Variants in PHF3 observed in about 807,000 individuals in gnomAD.
The protein encoded by PHF3 is PHD finger protein 3.
PHF3 carries 41 observed loss-of-function variants against 178.4 expected under a neutral mutation model. The observed-to-expected ratio is 0.23, with a 90% CI of 0.18 to 0.30. The LOEUF is 0.30. PHF3 is among the 10% of genes least tolerant of loss of function. The probability of loss-of-function intolerance (pLI) is 1.00; values close to 1 mark genes in which losing one functional copy is unlikely to be tolerated. For synonymous variants in PHF3, 842 were observed against 800.5 expected (o/e 1.05, Z -0.88); for missense variants, 2,346 against 2,398.1 (o/e 0.98, Z 0.45).
intron 13 of PHF3, among the ~76,000 whole-genome samples, chr6:63,708,314 G>A (rs978752899): frequency 4.0e-5 from 6 of 151,752 alleles, no homozygotes; most frequent in African/African-American, 1.2e-4. Flanking sequence ...TTATTATTTG[G>A]TCAGTCCATG....
Position 63,706,088 on chromosome 6 carries a change from G to C in PHF3, c.3427G>C (p.Val1143Leu), listed in dbSNP as rs1331736683. The change falls in exon 12 of 16, where the codon GTA becomes CTA. Residue 1143 changes from valine (V) to leucine (L), a missense_variant. Coordinates refer to ENST00000262043, the MANE Select transcript of PHF3 (RefSeq NM_001370348.2). ...AAAAAAAGTAAAAGTTGTTGTAGGA[G>C]TAGCTCGCAAACATTCAGACAATGA... The part of the protein sequence containing the change: ...SPKKVKVVVG[V>L]ARKHSDNEAE... 2.5e-6 allele frequency: 4 copies of C among 1,613,926 alleles called. No homozygotes were observed. In the South Asian group the frequency reaches 4.4e-5, roughly 18 times the overall value.
rs1764305780 is a variant in PHF3 at position 63,635,870 on chromosome 6, C to CTCGCGCCG, written c.-301_-294dup. On this transcript the variant is annotated 5_prime_UTR_variant, in exon 1 of 16. It introduces an in-frame stop codon into an upstream open reading frame of the 5' UTR. Transcript: ENST00000262043. Reference sequence around the variant, plus strand: ...CGCCGCACGCCGATGGCTGCGGGGTCTCGCGCCGTCGCACCGTCCCCACGC... The same window carrying CTCGCGCCG: ...CGCCGCACGCCGATGGCTGCGGGGTCTCGCGCCGTCGCGCCGTCGCACCGTCCCCACGC... 2 of 397,414 alleles carry CTCGCGCCG rather than the reference C, an allele frequency of 5.0e-6. No homozygotes were observed. Among genetic ancestry groups the CTCGCGCCG allele is most frequent in the South Asian group, 2.6e-4 (2 of 7,828 alleles). 24.6% of individuals were successfully genotyped at this position (397,414 alleles called of 1,614,324 possible).
Position 63,712,078 on chromosome 6 carries a change from C to T in PHF3, c.4490C>T (p.Pro1497Leu). 2 of 1,613,602 alleles carry T rather than the reference C, an allele frequency of 1.2e-6. No individual in the cohort carries two copies. Among genetic ancestry groups the T allele is most frequent in the Non-Finnish European group, 1.7e-6 (2 of 1,179,936 alleles). The change falls in exon 16 of 16, where the codon CCA becomes CTA. Residue 1497 changes from proline to leucine, a missense_variant. By Grantham distance (98) the Pro-to-Leu change is moderately conservative. This residue lies in a region of PHF3 where 839 missense variants were observed against 806.9 expected (regional missense o/e 1.04). Coordinates refer to ENST00000262043, the MANE Select transcript of PHF3 (RefSeq NM_001370348.2). ...VMEQNTVKEI[P>L]FLNEQTNSKI... ...GAACAAAACACTGTTAAAGAAATTC[C>T]ATTTTTAAATGAGCAGACCAACTCA...
intron 1 of PHF3, among the ~76,000 whole-genome samples, chr6:63,641,335 C>T (rs752593186): frequency 6.6e-6 from 1 of 152,120 alleles, no homozygotes; most frequent in Non-Finnish European, 1.5e-5. Flanking sequence ...CCCCCATCAC[C>T]ACCACCATCA....
intron 9 of PHF3, among the ~76,000 whole-genome samples, chr6:63,701,562 A>G (rs1296102785): frequency 6.6e-6 from 1 of 152,180 alleles, no homozygotes; most frequent in Non-Finnish European, 1.5e-5. Context: ...TATTAACTCT[A>G]CATGATTTAT....
chr6:63,641,710 T>C (rs1764585684), intron 1 of PHF3, among the ~76,000 whole-genome samples: 3 of 152,024 alleles, frequency 2.0e-5, no homozygotes, highest in Admixed American at 1.3e-4. Flanking sequence ...TGATCTTGGC[T>C]CACTGCAACC....
In PHF3 at chr6:63,684,592, TAAA is replaced by T; in HGVS notation, c.871_873del (p.Lys291del). The T allele has an allele frequency of 6.2e-7, 1 of 1,613,926 alleles. No individual in the cohort carries two copies. Among genetic ancestry groups the T allele is most frequent in the Non-Finnish European group, 8.5e-7 (1 of 1,179,896 alleles). ...GTAGTCCATTGTTTAAGTTTTCAGA[TAAA>T]GAAGAACATGAACAAAATGATTCCA... On this transcript the variant is annotated inframe_deletion, in exon 4 of 16. Transcript: ENST00000262043.
chr6:63,686,822 A>C (rs1258774231), intron 4 of PHF3, among the ~76,000 whole-genome samples: 1 of 152,216 alleles, frequency 6.6e-6, no homozygotes, highest in Admixed American at 6.5e-5. Flanking sequence ...TCCCAGCACT[A>C]TCTTAGTACA....
intron 6 of PHF3, among the ~76,000 whole-genome samples, chr6:63,695,039 A>C (rs73762457): frequency 1.3e-5 from 2 of 152,308 alleles, no homozygotes; most frequent in African/African-American, 4.8e-5. Context: ...AAGTAAGAAA[A>C]TTGCATGTTA....
rs1453733729 is a variant in PHF3 at position 63,718,400 on chromosome 6, CATT to C, written c.*4696_*4698del. Among the ~76,000 whole-genome samples, 3 of 151,920 alleles carry C rather than the reference CATT, an allele frequency of 2.0e-5. No individual in the cohort carries two copies. The highest frequency in any genetic ancestry group is 2.9e-5 in the Non-Finnish European group (2 of 67,924). On this transcript the variant is annotated 3_prime_UTR_variant, in exon 16 of 16. Transcript: ENST00000262043. Reference sequence around the variant, plus strand: ...AAGCTTTTGTTTATATGGCTTATATCATTATTTAGCATACTAGAAAATCAAATG... The same window carrying C: ...AAGCTTTTGTTTATATGGCTTATATCATTTAGCATACTAGAAAATCAAATG...
chr6:63,666,776 G>A (rs1582036882), intron 2 of PHF3, among the ~76,000 whole-genome samples: 2 of 149,866 alleles, frequency 1.3e-5, no homozygotes, highest in African/African-American at 4.9e-5. Flanking sequence ...TTTTGAGATG[G>A]AGTCTTGCTC....
At chr6:63,704,749 G>A (rs1767619407) in intron 11 of PHF3, among the ~76,000 whole-genome samples, 1 of 151,996 alleles carries the variant, frequency 6.6e-6, no homozygotes, top group South Asian at 2.1e-4. Flanking sequence ...GCTCCTTTGG[G>A]TAAATACCAT....
chr6:63,650,081 A>G (rs1405721391), intron 2 of PHF3, among the ~76,000 whole-genome samples: 1 of 152,232 alleles, frequency 6.6e-6, no homozygotes, highest in East Asian at 1.9e-4. Context: ...TGGTATATTG[A>G]AAATAAATGT....
intron 2 of PHF3, among the ~76,000 whole-genome samples, chr6:63,658,006 A>G (rs1765309095): frequency 6.6e-6 from 1 of 152,162 alleles, no homozygotes; most frequent in African/African-American, 2.4e-5. Context: ...ATTCAATTTA[A>G]GTTCAGGGTT....
intron 2 of PHF3, chr6:63,678,860 TG>T (rs1186600903): frequency 2.2e-6 from 1 of 452,890 alleles, no homozygotes; most frequent in African/African-American, 2.0e-5. Flanking sequence ...CTCTTTTAAA[TG>T]AAGTTCTACT....
Position 63,691,987 on chromosome 6 carries a change from G to T in PHF3, c.2440G>T (p.Asp814Tyr). The T allele has an allele frequency of 3.7e-6, 6 of 1,613,458 alleles. No homozygotes were observed. Among genetic ancestry groups the T allele is most frequent in the Non-Finnish European group, 5.1e-6 (6 of 1,179,778 alleles). Residue 814 changes from aspartate (D) to tyrosine (Y), a missense_variant, in exon 5 of 16, where the codon GAT becomes TAT. Asp to Tyr is a radical substitution (Grantham distance 160). Coordinates refer to ENST00000262043, the MANE Select transcript of PHF3 (RefSeq NM_001370348.2). The part of the protein sequence containing the change: ...KLGLSKHTTN[D>Y]RTKYIDDTVK... ...TGGATTATCAAAACACACAACAAAT[G>T]ATAGAACCAAATATATAGATGATAC...
Position 63,685,500 on chromosome 6 carries a change from C to G in PHF3, c.1778C>G (p.Thr593Ser). 6.2e-7 allele frequency: 1 copy of G among 1,614,090 alleles called. No homozygotes were observed. Among genetic ancestry groups the G allele is most frequent in the South Asian group, 1.1e-5 (1 of 91,078 alleles). ...QTLVQIFKPL[T>S]HSLSDKSHAH... ...TTAGTACAAATTTTCAAGCCCTTAA[C>G]TCATTCTTTGAGTGATAAGTCACAC... The change falls in exon 4 of 16, where the codon ACT becomes AGT. Residue 593 changes from threonine (T) to serine (S), a missense_variant. This residue lies in a region of PHF3 where 843 missense variants were observed against 795.2 expected (regional missense o/e 1.06). Transcript: ENST00000262043.
In PHF3 at chr6:63,712,394, G is replaced by A; in HGVS notation, c.4806G>A (p.Glu1602=). ...TLKRQLQEDQ[E]NNLQDNQTSN... ...AAAGACAGCTTCAGGAAGATCAAGA[G>A]AATAATTTGCAAGATAACCAGACTT... Residue 1602 remains glutamate, a synonymous_variant, in exon 16 of 16, where the codon GAG becomes GAA. Coordinates refer to ENST00000262043, the MANE Select transcript of PHF3 (RefSeq NM_001370348.2). The A allele has an allele frequency of 6.2e-7, 1 of 1,613,874 alleles. No individual in the cohort carries two copies. The highest frequency in any genetic ancestry group is 8.5e-7 in the Non-Finnish European group (1 of 1,179,904).
At chr6:63,641,717 A>C (rs1247285028) in intron 1 of PHF3, among the ~76,000 whole-genome samples, 3 of 151,720 alleles carry the variant, frequency 2.0e-5, no homozygotes, top group Non-Finnish European at 4.4e-5. Context: ...GGCTCACTGC[A>C]ACCTCTGCTT....
Sources: gnomAD v4.1 joint callset for allele counts (sites outside exome capture counted in the v4.1 genomes callset) on GRCh38, gnomAD v4.1.1 for gene constraint, gnomAD v4.1.1 regional missense constraint, MANE v1.5 for transcripts, NCBI Gene and HGNC (gene_info 2026-07-23, HGNC 2026-07-21) for gene names.